Variants in ADAM23 observed in about 807,000 individuals in gnomAD.
ADAM23 encodes ADAM metallopeptidase domain 23, also known as disintegrin and metalloproteinase domain-containing protein 23.
In ADAM23, 33 loss-of-function variants were observed where a neutral mutation model predicts 120.1. The observed-to-expected ratio is 0.27, with a 90% CI of 0.21 to 0.37. The LOEUF is 0.37. Among genes scored for constraint, ADAM23 ranks in the 10% least tolerant of loss-of-function variants. The pLI is 1.00. For missense variants in ADAM23, 862 were observed against 1,058.2 expected (o/e 0.81, Z 2.57); for synonymous variants, 367 against 375.2 (o/e 0.98, Z 0.25).
intron 4 of ADAM23, among the ~76,000 whole-genome samples, chr2:206,533,425 G>T (rs1335684435): frequency 6.6e-6 from 1 of 152,056 alleles, no homozygotes; most frequent in Non-Finnish European, 1.5e-5. Context: ...GGCTGGTCTC[G>T]AACTGCTGAC....
At chr2:206,539,304 A>G (rs1301632355) in intron 4 of ADAM23, among the ~76,000 whole-genome samples, 1 of 152,120 alleles carries the variant, frequency 6.6e-6, no homozygotes, top group African/African-American at 2.4e-5. Flanking sequence ...GAAAATGCTG[A>G]TGTCTGTATG....
At chr2:206,596,268 A>G in intron 24 of ADAM23, 106 bp downstream of exon 24, 1 of 791,998 alleles carries the variant, frequency 1.3e-6, no homozygotes, top group African/African-American at 1.7e-5. Flanking sequence ...ACATAAGAAT[A>G]TCTGTTTTTG....
chr2:206,557,077 G>A (rs1340347546), intron 9 of ADAM23, among the ~76,000 whole-genome samples: 3 of 152,032 alleles, frequency 2.0e-5, no homozygotes, highest in East Asian at 3.9e-4. Flanking sequence ...TCAGAACATC[G>A]TAGGTTTTTT....
At chr2:206,451,912 C>G (rs1202585029) in intron 2 of ADAM23, among the ~76,000 whole-genome samples, 1 of 152,300 alleles carries the variant, frequency 6.6e-6, no homozygotes, top group South Asian at 2.1e-4. Context: ...AGCTTTACTT[C>G]TAGTAGGAAG....
At chr2:206,563,229 T>G (rs552376717) in intron 13 of ADAM23, among the ~76,000 whole-genome samples, 2 of 152,210 alleles carry the variant, frequency 1.3e-5, no homozygotes, top group Non-Finnish European at 2.9e-5. Context: ...TTTGAAAATA[T>G]GAGACACTGG....
At chr2:206,592,007 A>G (rs1394293064) in intron 21 of ADAM23, among the ~76,000 whole-genome samples, 2 of 152,150 alleles carry the variant, frequency 1.3e-5, no homozygotes, top group African/African-American at 4.8e-5. Context: ...TGTTTACTTA[A>G]CAGATAGACT....
intron 15 of ADAM23, among the ~76,000 whole-genome samples, 153 bp downstream of exon 15, chr2:206,567,475 T>C (rs1406794498): frequency 6.6e-6 from 1 of 152,208 alleles, no homozygotes; most frequent in African/African-American, 2.4e-5. Context: ...ATGTTAAAGA[T>C]TGAGTCCTGT....
At chr2:206,592,386 C>T (rs1310061756) in intron 21 of ADAM23, among the ~76,000 whole-genome samples, 1 of 152,150 alleles carries the variant, frequency 6.6e-6, no homozygotes. Flanking sequence ...GATGAGACAG[C>T]AGTCATGATC....
Position 206,542,034 on chromosome 2 carries a change from A to G in ADAM23, c.574-18A>G, listed in dbSNP as rs2105806883. On this transcript the variant is annotated intron_variant, in intron 4 of 25. Transcript: ENST00000264377. ...ATAATGCATAAAATACAACCAATCA[A>G]TGAAACCTGCTTTCCAGGGTGGAGA... The G allele has an allele frequency of 1.2e-6, 2 of 1,613,800 alleles. No homozygotes were observed. Among genetic ancestry groups the G allele is most frequent in the Non-Finnish European group, 1.7e-6 (2 of 1,179,708 alleles).
chr2:206,495,937 A>G (rs1333344144), intron 3 of ADAM23, among the ~76,000 whole-genome samples: 1 of 152,228 alleles, frequency 6.6e-6, no homozygotes, highest in Non-Finnish European at 1.5e-5. Context: ...GATCAATTCA[A>G]CAAGAAGAAC....
At chr2:206,583,268 C>T (rs561195786) in intron 18 of ADAM23, among the ~76,000 whole-genome samples, 10 of 152,260 alleles carry the variant, frequency 6.6e-5, no homozygotes, top group African/African-American at 1.9e-4. Flanking sequence ...TCCTGGCTGA[C>T]GCAGTGAAAC....
chr2:206,551,075 C>T (rs747581323), intron 9 of ADAM23, among the ~76,000 whole-genome samples: 4 of 152,142 alleles, frequency 2.6e-5, no homozygotes, highest in Admixed American at 6.5e-5. Context: ...TATACTTAAC[C>T]GTTTCCTTTA....
intron 9 of ADAM23, among the ~76,000 whole-genome samples, chr2:206,550,900 G>A (rs1299180813): frequency 6.6e-6 from 1 of 152,070 alleles, no homozygotes; most frequent in African/African-American, 2.4e-5. Flanking sequence ...CGCGCCCGGC[G>A]ACTTATCGTC....
chr2:206,494,036 T>A (rs903141503), intron 3 of ADAM23, among the ~76,000 whole-genome samples: 2 of 152,214 alleles, frequency 1.3e-5, no homozygotes, highest in Non-Finnish European at 1.5e-5. Context: ...ATGTTTTAAT[T>A]TTTGTATACA....
chr2:206,539,052 G>A, intron 4 of ADAM23, among the ~76,000 whole-genome samples: 1 of 152,162 alleles, frequency 6.6e-6, no homozygotes, highest in East Asian at 1.9e-4. Flanking sequence ...TGGCTTCAAT[G>A]TGTCAGTATA....
At chr2:206,545,280 G>C (rs535586094) in intron 6 of ADAM23, among the ~76,000 whole-genome samples, 73 of 152,106 alleles carry the variant, frequency 4.8e-4, no homozygotes, top group Admixed American at 8.5e-4. Flanking sequence ...GAGGTCAGGA[G>C]TTTGAGACCA....
intron 3 of ADAM23, among the ~76,000 whole-genome samples, chr2:206,494,003 G>A (rs1286466796): frequency 1.3e-5 from 2 of 152,160 alleles, no homozygotes; most frequent in East Asian, 3.8e-4. Context: ...TAAAAATTAT[G>A]CATATTTAAG....
chr2:206,500,129 C>A (rs966557668), intron 3 of ADAM23, among the ~76,000 whole-genome samples: 2 of 151,892 alleles, frequency 1.3e-5, no homozygotes, highest in African/African-American at 2.4e-5. Context: ...CCTATAAGGC[C>A]CAGAATATAA....
intron 2 of ADAM23, among the ~76,000 whole-genome samples, chr2:206,472,973 C>T (rs561613428): frequency 1.3e-5 from 2 of 152,244 alleles, no homozygotes; most frequent in Admixed American, 6.5e-5. Context: ...AGCCTTCAAA[C>T]GGTATGACTT....
Sources: allele counts gnomAD v4.1 joint callset (sites outside exome capture counted in the v4.1 genomes callset), GRCh38; gene constraint gnomAD v4.1.1; transcripts MANE v1.5; gene names NCBI Gene and HGNC (gene_info 2026-07-23, HGNC 2026-07-21).